The following NTN1 variants were observed in gnomAD, a reference collection of about 807,000 sequenced individuals.
NTN1 encodes the protein netrin-1.
Under a neutral mutation model 54.2 loss-of-function variants are expected in NTN1, and 11 were observed. That is an observed-to-expected ratio of 0.20 (90% CI 0.13 to 0.34). The LOEUF is 0.34. Among genes scored for constraint, NTN1 ranks in the 10% least tolerant of loss-of-function variants. NTN1 has a pLI of 1.00. For synonymous variants in NTN1, 371 were observed against 382.0 expected, an observed-to-expected ratio of 0.97 and a Z score of 0.33; for missense variants, 740 against 893.1, an observed-to-expected ratio of 0.83 and a Z score of 2.18.
intron 2 of NTN1, among the ~76,000 whole-genome samples, chr17:9,159,101 T>C (rs961234949): frequency 2.0e-5 from 3 of 152,068 alleles, no homozygotes; most frequent in African/African-American, 4.8e-5. Context: ...TAAAGTAACA[T>C]GTGAATGAGA....
chr17:9,201,854 G>T (rs138246145), intron 5 of NTN1, among the ~76,000 whole-genome samples: 1 of 151,712 alleles, frequency 6.6e-6, no homozygotes, highest in African/African-American at 2.4e-5. Context: ...TAGAAATCCC[G>T]TGTCTGGGGA....
intron 2 of NTN1, among the ~76,000 whole-genome samples, chr17:9,097,567 T>C (rs2092135920): frequency 6.6e-6 from 1 of 152,012 alleles, no homozygotes; most frequent in African/African-American, 2.4e-5. Flanking sequence ...GGAGGTTGCA[T>C]TGAGCCAAGA....
At chr17:9,073,872 T>A (rs1476746563) in intron 2 of NTN1, among the ~76,000 whole-genome samples, 1 of 152,246 alleles carries the variant, frequency 6.6e-6, no homozygotes, top group Non-Finnish European at 1.5e-5. Context: ...TTTCGCGCAG[T>A]GAGTTCAGCA....
chr17:9,155,999 GC>G lies in NTN1; in HGVS notation c.1019-6813del, dbSNP rs536124853. Among the ~76,000 whole-genome samples, 192 of 152,286 alleles carry G rather than the reference GC, an allele frequency of 1.3e-3. 6 individuals carry two copies. The highest frequency in any genetic ancestry group is 0.011 in the Admixed American group (173 of 15,294). ...CTCAGGGAATTTGTGAGTTGTACAT[GC>G]TGAGTAGGTCTCCTGGTCCTTACCC... is the stretch of plus-strand genomic sequence containing the variant. On this transcript the variant is annotated intron_variant, in intron 2 of 6. Transcript: ENST00000173229.
chr17:9,175,598 G>A (rs1405275799), intron 3 of NTN1: 1 of 152,252 alleles, frequency 6.6e-6, no homozygotes, highest in Non-Finnish European at 1.5e-5. Flanking sequence ...GTCCTTACAG[G>A]TGAGCCACCG....
At chr17:9,161,759 CAGAG>C (rs984700444) in intron 2 of NTN1, among the ~76,000 whole-genome samples, 2 of 152,178 alleles carry the variant, frequency 1.3e-5, no homozygotes, top group Non-Finnish European at 2.9e-5. Flanking sequence ...GCCTGGGCGA[CAGAG>C]AAAGACTCCC....
chr17:9,210,821 G>A (rs1186943933), intron 5 of NTN1, among the ~76,000 whole-genome samples: 1 of 140,758 alleles, frequency 7.1e-6, no homozygotes, highest in African/African-American at 2.7e-5. Flanking sequence ...CGGGAGAATC[G>A]CTTGAACCTG....
intron 5 of NTN1, among the ~76,000 whole-genome samples, chr17:9,196,702 C>T (rs1904643309): frequency 6.6e-6 from 1 of 152,250 alleles, no homozygotes; most frequent in Non-Finnish European, 1.5e-5. Flanking sequence ...AGGTCAGTGC[C>T]TTCCTAGAGA....
intron 2 of NTN1, among the ~76,000 whole-genome samples, chr17:9,038,496 A>G (rs1051970350): frequency 6.6e-6 from 1 of 152,108 alleles, no homozygotes; most frequent in Non-Finnish European, 1.5e-5. Context: ...CTTATTAAAT[A>G]TTTGATAAAG....
chr17:9,205,932 T>C (rs2142341915), intron 5 of NTN1, among the ~76,000 whole-genome samples: 1 of 152,314 alleles, frequency 6.6e-6, no homozygotes, highest in East Asian at 1.9e-4. Flanking sequence ...TGGTGAGAGC[T>C]TGGCAGGTGT....
At chr17:9,072,737 C>T (rs910731073) in intron 2 of NTN1, among the ~76,000 whole-genome samples, 1 of 152,176 alleles carries the variant, frequency 6.6e-6, no homozygotes, top group Non-Finnish European at 1.5e-5. Flanking sequence ...ATCTCTCCCC[C>T]CAGAATTGAG....
chr17:9,024,314 AGGGTGAGGGGAGGT>A (rs2091863204), intron 2 of NTN1, among the ~76,000 whole-genome samples: 2 of 152,230 alleles, frequency 1.3e-5, no homozygotes, highest in Admixed American at 1.3e-4. Context: ...AAAGAAAAAA[AGGGTGAGGGGAGGT>A]AGCAAGACTA....
chr17:9,181,963 C>A (rs2092419998), intron 4 of NTN1, among the ~76,000 whole-genome samples: 1 of 152,138 alleles, frequency 6.6e-6, no homozygotes, highest in Non-Finnish European at 1.5e-5. Context: ...GAACCAACTG[C>A]TTTTTAAATA....
intron 5 of NTN1, among the ~76,000 whole-genome samples, chr17:9,216,935 G>A (rs1905228251): frequency 1.3e-5 from 2 of 152,034 alleles, no homozygotes; most frequent in African/African-American, 2.4e-5. Context: ...CTAGCTACTC[G>A]GGAGGCTGGG....
intron 2 of NTN1, among the ~76,000 whole-genome samples, chr17:9,127,011 G>A (rs985622043): frequency 1.3e-5 from 2 of 149,030 alleles, no homozygotes; most frequent in African/African-American, 4.9e-5. Context: ...CAGGGAGGCG[G>A]AGGGAGGCCC....
At chr17:9,070,081 G>C (rs1160762903) in intron 2 of NTN1, among the ~76,000 whole-genome samples, 1 of 152,182 alleles carries the variant, frequency 6.6e-6, no homozygotes, top group Admixed American at 6.5e-5. Context: ...AGTGGACTAA[G>C]AGGTTGGACC....
intron 2 of NTN1, among the ~76,000 whole-genome samples, chr17:9,030,268 A>T (rs1244356425): frequency 6.6e-6 from 1 of 152,212 alleles, no homozygotes; most frequent in Admixed American, 6.5e-5. Context: ...CCGAGGAGAA[A>T]GGGGTACCTA....
chr17:9,027,651 A>G (rs1208535904), intron 2 of NTN1, among the ~76,000 whole-genome samples: 14 of 152,234 alleles, frequency 9.2e-5, no homozygotes, highest in Non-Finnish European at 8.8e-5. Flanking sequence ...TGTATTTTAC[A>G]TCATATTATT....
intron 2 of NTN1, among the ~76,000 whole-genome samples, chr17:9,058,687 G>T (rs1195807535): frequency 1.5e-5 from 2 of 133,948 alleles, no homozygotes; most frequent in African/African-American, 5.5e-5. Context: ...GAAAAAAATA[G>T]CTTAGAGAAA....
Sources: gnomAD v4.1 joint callset for allele counts (sites outside exome capture counted in the v4.1 genomes callset) on GRCh38, gnomAD v4.1.1 for gene constraint, MANE v1.5 for transcripts, NCBI Gene and HGNC (gene_info 2026-07-23, HGNC 2026-07-21) for gene names.